Variants in SIK2 observed in about 807,000 individuals in gnomAD.
SIK2 encodes the protein serine/threonine-protein kinase SIK2.
Under a neutral mutation model 103.2 loss-of-function variants are expected in SIK2, and 29 were observed. The observed-to-expected ratio is 0.28, with a 90% CI of 0.21 to 0.38. The LOEUF (loss-of-function observed/expected upper bound fraction) is 0.38, where lower values mean the gene tolerates loss of function less well. Ranked by LOEUF, SIK2 falls within the 10% of genes least tolerant of loss-of-function variation. The probability of loss-of-function intolerance (pLI) is 1.00; values close to 1 mark genes in which losing one functional copy is unlikely to be tolerated. For synonymous variants in SIK2, 412 were observed against 446.1 expected (o/e 0.92, Z 0.96); for missense variants, 879 against 1,171.0 (o/e 0.75, Z 3.64).
At chr11:111,646,182 G>T (rs775734156) in intron 3 of SIK2, among the ~76,000 whole-genome samples, 2 of 152,166 alleles carry the variant, frequency 1.3e-5, no homozygotes, top group Non-Finnish European at 2.9e-5. Context: ...GGGCATGGTG[G>T]CTCATGCCTG....
chr11:111,645,523 T>TA (rs1942243622), intron 3 of SIK2, among the ~76,000 whole-genome samples: 1 of 152,060 alleles, frequency 6.6e-6, no homozygotes, highest in Non-Finnish European at 1.5e-5. Flanking sequence ...AAATTACTTT[T>TA]AAAAAACAAA....
chr11:111,707,604 T>G (rs377483041), intron 8 of SIK2, among the ~76,000 whole-genome samples: 8 of 152,342 alleles, frequency 5.3e-5, no homozygotes, highest in African/African-American at 1.9e-4. Flanking sequence ...TCTCAGAGAT[T>G]TCACATTTTG....
At chr11:111,686,805 TTG>T (rs759777873) in intron 3 of SIK2, among the ~76,000 whole-genome samples, 1 of 152,224 alleles carries the variant, frequency 6.6e-6, no homozygotes, top group Non-Finnish European at 1.5e-5. Flanking sequence ...CAAAATATAT[TTG>T]TCTTACAGTT....
At chr11:111,665,374 G>A (rs1348014250) in intron 3 of SIK2, among the ~76,000 whole-genome samples, 2 of 151,990 alleles carry the variant, frequency 1.3e-5, no homozygotes, top group Non-Finnish European at 2.9e-5. Context: ...TGGTGGGGGT[G>A]CTTCTGAGGT....
At chr11:111,608,504 T>C (rs1591584921) in intron 1 of SIK2, among the ~76,000 whole-genome samples, 1 of 152,306 alleles carries the variant, frequency 6.6e-6, no homozygotes. Flanking sequence ...TAATATTTGG[T>C]TCATCTTCTT....
At chr11:111,623,023 A>T (rs1231752434) in intron 3 of SIK2, among the ~76,000 whole-genome samples, 1 of 152,180 alleles carries the variant, frequency 6.6e-6, no homozygotes, top group Non-Finnish European at 1.5e-5. Context: ...TCTCCTTCAG[A>T]TATTCCAGTC....
chr11:111,672,994 A>G (rs1942650153), intron 3 of SIK2, among the ~76,000 whole-genome samples: 1 of 152,224 alleles, frequency 6.6e-6, no homozygotes, highest in South Asian at 2.1e-4. Context: ...TTTCCCTACG[A>G]ATAATGATTG....
Position 111,724,277 on chromosome 11 carries a change from TG to T in SIK2, c.*152del. Reference sequence around the variant, plus strand: ...CCCAACTGGAATCAGAGGGTCTGGCTGGGGTGGATGTTGCTTCCTCCTGGTT... The same window carrying T: ...CCCAACTGGAATCAGAGGGTCTGGCTGGGTGGATGTTGCTTCCTCCTGGTT... On this transcript the variant is annotated 3_prime_UTR_variant, in exon 15 of 15. Transcript: ENST00000304987. The T allele has an allele frequency of 8.5e-7, 1 of 1,173,096 alleles. No homozygotes were observed. The highest frequency in any genetic ancestry group is 2.6e-5 in the East Asian group (1 of 38,986). The allele number at this position is 1,173,096 out of a possible 1,614,324, so 72.7% of individuals were successfully genotyped here. A position where few individuals can be genotyped will look rare whatever the true frequency, so the allele number is the denominator to read the frequency against.
rs1243301666 is a variant in SIK2 at position 111,627,278 on chromosome 11, CT to C, written c.316+6877del. Reference sequence around the variant, plus strand: ...TGAAAAATATGTACATTAGTCCCCCCTATCAGAGGGGACTTTCAGCGGTTTC... The same window carrying C: ...TGAAAAATATGTACATTAGTCCCCCCATCAGAGGGGACTTTCAGCGGTTTC... On this transcript the variant is annotated intron_variant, in intron 3 of 14. Transcript: ENST00000304987. Among the ~76,000 whole-genome samples the C allele has an allele frequency of 5.9e-5, 9 of 152,198 alleles. No individual in the cohort carries two copies. In the East Asian group the frequency reaches 1.2e-3, roughly 20 times the overall value.
intron 3 of SIK2, among the ~76,000 whole-genome samples, chr11:111,652,202 A>G (rs1223413188): frequency 6.6e-6 from 1 of 152,228 alleles, no homozygotes; most frequent in African/African-American, 2.4e-5. Flanking sequence ...CAATCTTGAG[A>G]TAACAAAAAA....
chr11:111,679,467 G>T (rs150769015), intron 3 of SIK2, among the ~76,000 whole-genome samples: 1 of 152,072 alleles, frequency 6.6e-6, no homozygotes, highest in Non-Finnish European at 1.5e-5. Context: ...AATTTTTGTC[G>T]AACACACAAT....
chr11:111,632,383 T>C (rs1212460372), intron 3 of SIK2, among the ~76,000 whole-genome samples: 1 of 152,144 alleles, frequency 6.6e-6, no homozygotes, highest in Non-Finnish European at 1.5e-5. Flanking sequence ...TGGGGTAAAG[T>C]CCAGGATCCT....
intron 8 of SIK2, among the ~76,000 whole-genome samples, chr11:111,710,902 A>G (rs1167990783): frequency 6.6e-6 from 1 of 152,196 alleles, no homozygotes; most frequent in Non-Finnish European, 1.5e-5. Flanking sequence ...ATCCCTTGAA[A>G]TAACTATAGC....
At chr11:111,618,328 C>A (rs2135838159) in intron 2 of SIK2, among the ~76,000 whole-genome samples, 1 of 152,228 alleles carries the variant, frequency 6.6e-6, no homozygotes, top group South Asian at 2.1e-4. Flanking sequence ...CGGACTGCAC[C>A]AGTCTGTGAC....
In SIK2 at chr11:111,602,743, G is replaced by C; in HGVS notation, c.135+45G>C. On this transcript the variant is annotated intron_variant, in intron 1 of 14. Transcript: ENST00000304987. This position sits in a 1 kb window ranked among gnomAD's most constrained non-coding sequence, Gnocchi z 4.5. ...GGGAGCGTCCGAGGCGAGGGTTCGG[G>C]AGAGGAGCTGCTTACCGAGAGGGGC... 1 of 1,456,130 alleles carries C rather than the reference G, an allele frequency of 6.9e-7. No individual in the cohort carries two copies. 90.2% of individuals were successfully genotyped at this position (1,456,130 alleles called of 1,614,324 possible).
At chr11:111,708,394 A>G (rs916789525) in intron 8 of SIK2, among the ~76,000 whole-genome samples, 1 of 152,104 alleles carries the variant, frequency 6.6e-6, no homozygotes, top group Admixed American at 6.5e-5. Context: ...AAAGTAAAAC[A>G]TAAAAAAAAA....
intron 3 of SIK2, among the ~76,000 whole-genome samples, chr11:111,680,489 G>T (rs567510230): frequency 6.6e-6 from 1 of 152,108 alleles, no homozygotes; most frequent in Admixed American, 6.5e-5. Context: ...ATTACAAACC[G>T]ATGAAATTAC....
At chr11:111,615,004 T>C (rs1171541723) in intron 1 of SIK2, among the ~76,000 whole-genome samples, 1 of 151,946 alleles carries the variant, frequency 6.6e-6, no homozygotes, top group Non-Finnish European at 1.5e-5. Flanking sequence ...CCAGACGTGG[T>C]GGCACACACC....
At chr11:111,606,221 G>GT (rs1941646348) in intron 1 of SIK2, among the ~76,000 whole-genome samples, 1 of 152,012 alleles carries the variant, frequency 6.6e-6, no homozygotes, top group Non-Finnish European at 1.5e-5. Context: ...ATCCTTAAAT[G>GT]TTTTTGTATT....
Sources: allele counts gnomAD v4.1 joint callset (sites outside exome capture counted in the v4.1 genomes callset), GRCh38; gene constraint gnomAD v4.1.1; non-coding constraint Gnocchi (gnomAD v3.1); transcripts MANE v1.5; gene names NCBI Gene and HGNC (gene_info 2026-07-23, HGNC 2026-07-21).